Variants in ENOX1 observed in about 807,000 individuals in gnomAD.
ENOX1 encodes ecto-NOX disulfide-thiol exchanger 1.
In ENOX1, 42 loss-of-function variants were observed where a neutral mutation model predicts 82.5. That is an observed-to-expected ratio of 0.51 (90% CI 0.40 to 0.66). The LOEUF (loss-of-function observed/expected upper bound fraction) is 0.66. Ranked by LOEUF, ENOX1 falls within the 30% of genes least tolerant of loss-of-function variation. ENOX1 has a pLI of 0.00. For missense variants in ENOX1, 608 were observed against 811.6 expected (o/e 0.75, Z 3.05); for synonymous variants, 271 against 282.2 (o/e 0.96, Z 0.40).
At chr13:43,478,274 T>C (rs909581015) in intron 3 of ENOX1, among the ~76,000 whole-genome samples, 3 of 152,104 alleles carry the variant, frequency 2.0e-5, no homozygotes, top group Non-Finnish European at 2.9e-5. Flanking sequence ...AGAGGGCATA[T>C]TGATCTATAA....
chr13:43,404,691 A>T (rs770133550), intron 5 of ENOX1, among the ~76,000 whole-genome samples: 1 of 152,226 alleles, frequency 6.6e-6, no homozygotes, highest in Non-Finnish European at 1.5e-5. Flanking sequence ...GGTCAGGCCA[A>T]TTGCTGTTCC....
chr13:43,476,023 GT>G (rs2058268784), intron 3 of ENOX1, among the ~76,000 whole-genome samples: 1 of 152,042 alleles, frequency 6.6e-6, no homozygotes, highest in African/African-American at 2.4e-5. Flanking sequence ...ATAGACCTCA[GT>G]TTTCAATTAC....
intron 3 of ENOX1, among the ~76,000 whole-genome samples, chr13:43,423,617 T>TTC (rs963196022): frequency 2.6e-5 from 4 of 152,204 alleles, no homozygotes; most frequent in Admixed American, 2.0e-4. Flanking sequence ...GAGTTCACCG[T>TTC]TCTCTCTCCT....
chr13:43,407,645 T>A (rs1485702581), intron 5 of ENOX1, among the ~76,000 whole-genome samples: 1 of 152,188 alleles, frequency 6.6e-6, no homozygotes, highest in African/African-American at 2.4e-5. Context: ...GAGAACTACT[T>A]ATTGCACATT....
chr13:43,698,823 A>G (rs1476128206), intron 1 of ENOX1, among the ~76,000 whole-genome samples: 1 of 152,236 alleles, frequency 6.6e-6, no homozygotes, highest in Non-Finnish European at 1.5e-5. Flanking sequence ...TCTAGAAAGA[A>G]CATGAGTCAT....
intron 2 of ENOX1, among the ~76,000 whole-genome samples, chr13:43,612,911 T>C (rs1485386054): frequency 6.6e-6 from 1 of 152,168 alleles, no homozygotes; most frequent in Non-Finnish European, 1.5e-5. Flanking sequence ...CAAATAAATA[T>C]TAAGCTTTAC....
Position 43,293,180 on chromosome 13 carries a change from C to T in ENOX1, c.1446+5166G>A, listed in dbSNP as rs183643427. Among the ~76,000 whole-genome samples, 405 of 152,226 alleles carry T rather than the reference C, an allele frequency of 2.7e-3. 1 individual carries two copies. Among genetic ancestry groups the T allele is most frequent in the African/African-American group, 9.4e-3 (390 of 41,532 alleles). ...AGCAACACAACTGAGGTTACCACCC[C>T]CCTCACAGATGCCTTCATCACTACA... On this transcript the variant is annotated intron_variant, in intron 12 of 16. Transcript: ENST00000690772.
chr13:43,518,961 A>C (rs2077658426), intron 2 of ENOX1, among the ~76,000 whole-genome samples: 1 of 152,166 alleles, frequency 6.6e-6, no homozygotes, highest in Non-Finnish European at 1.5e-5. Flanking sequence ...TTCAGCATCA[A>C]AATGAGTGAT....
intron 2 of ENOX1, among the ~76,000 whole-genome samples, chr13:43,629,443 T>C (rs1398504906): frequency 6.6e-6 from 1 of 152,226 alleles, no homozygotes; most frequent in Non-Finnish European, 1.5e-5. Context: ...CACCAGGTTA[T>C]TCCTCTGGGT....
At chr13:43,420,863 A>T (rs1174855806) in intron 3 of ENOX1, among the ~76,000 whole-genome samples, 1 of 152,224 alleles carries the variant, frequency 6.6e-6, no homozygotes, top group Non-Finnish European at 1.5e-5. Context: ...ATTATATAAC[A>T]TCCTACATGA....
intron 3 of ENOX1, among the ~76,000 whole-genome samples, chr13:43,483,422 C>T (rs1463705103): frequency 6.6e-6 from 1 of 152,036 alleles, no homozygotes; most frequent in East Asian, 1.9e-4. Flanking sequence ...GAGTAAGCAA[C>T]AATATTGTTA....
At chr13:43,616,130 C>CTATATATAGATATCTATAGATCTATAGA (rs1566640959) in intron 2 of ENOX1, among the ~76,000 whole-genome samples, 1 of 45,684 alleles carries the variant, frequency 2.2e-5, no homozygotes, top group African/African-American at 8.7e-5. Flanking sequence ...CTATAGATAT[C>CTATATATAGATATCTATAGATCTATAGA]TATCTATCTA....
intron 12 of ENOX1, among the ~76,000 whole-genome samples, chr13:43,283,698 G>A (rs186231562): frequency 6.5e-4 from 97 of 150,016 alleles, no homozygotes; most frequent in African/African-American, 2.1e-3. Context: ...ATATCCTCCC[G>A]CCTTGGCCTC....
intron 2 of ENOX1, among the ~76,000 whole-genome samples, chr13:43,594,624 C>T (rs955039245): frequency 6.7e-6 from 1 of 150,216 alleles, no homozygotes; most frequent in Non-Finnish European, 1.5e-5. Context: ...TGAATTTTCA[C>T]AACAACCCTG....
intron 2 of ENOX1, among the ~76,000 whole-genome samples, chr13:43,619,886 C>CT (rs2082648013): frequency 6.6e-6 from 1 of 152,018 alleles, no homozygotes; most frequent in South Asian, 2.1e-4. Context: ...TGGTCCTGGG[C>CT]TTTTTTGTTG....
At chr13:43,744,254 C>CT (rs1949906666) in intron 1 of ENOX1, among the ~76,000 whole-genome samples, 1 of 152,082 alleles carries the variant, frequency 6.6e-6, no homozygotes, top group Non-Finnish European at 1.5e-5. Context: ...CTTTTCAGGG[C>CT]TTCTCTGAAA....
rs774200081 is a variant in ENOX1 at position 43,412,894 on chromosome 13, A to T, written c.21T>A (p.Val7=). The T allele has an allele frequency of 3.8e-5, 61 of 1,613,936 alleles. No homozygotes were observed. Among genetic ancestry groups the T allele is most frequent in the Non-Finnish European group, 4.3e-5 (51 of 1,180,014 alleles). The part of the protein sequence containing the change: MVDAGG[V]ENITQLPQEL... Reference sequence around the variant, plus strand: ...CCTGGGGAAGCTGGGTGATGTTCTCAACTCCACCTGCATCTACCATTGAAT... The same window carrying T: ...CCTGGGGAAGCTGGGTGATGTTCTCTACTCCACCTGCATCTACCATTGAAT... The change falls in exon 4 of 17, where the codon GTT becomes GTA. Residue 7 remains valine (V), a synonymous_variant. Coordinates refer to ENST00000690772, the MANE Select transcript of ENOX1 (RefSeq NM_001347969.2).
Position 43,213,936 on chromosome 13 carries a change from C to A in ENOX1, c.*54G>T. On this transcript the variant is annotated 3_prime_UTR_variant, in exon 17 of 17. Coordinates refer to ENST00000690772, the MANE Select transcript of ENOX1 (RefSeq NM_001347969.2). ...CACACCTCCTGCTTCCCCGTCGCAC[C>A]GCCCTGGCCAGGTTCACATGGTTTC... is the stretch of plus-strand genomic sequence containing the variant. 1.9e-6 allele frequency: 3 copies of A among 1,574,880 alleles called. No individual in the cohort carries two copies. In the South Asian group the frequency reaches 3.5e-5, roughly 18 times the overall value.
chr13:43,440,007 G>A (rs17064537), intron 3 of ENOX1, among the ~76,000 whole-genome samples: 9,874 of 152,058 alleles, frequency 0.065, 384 homozygotes, highest in African/African-American at 0.1. Context: ...TTTTTACCTC[G>A]AGGAAACCTT....
Sources: gnomAD v4.1 joint callset for allele counts (sites outside exome capture counted in the v4.1 genomes callset) on GRCh38, gnomAD v4.1.1 for gene constraint, MANE v1.5 for transcripts, NCBI Gene and HGNC (gene_info 2026-07-23, HGNC 2026-07-21) for gene names.